Variants in CYP20A1 observed in about 807,000 individuals in gnomAD.
The protein encoded by CYP20A1 is cytochrome P450 family 20 subfamily A member 1, also known as cytochrome P450 20A1.
Under a neutral mutation model 61.4 loss-of-function variants are expected in CYP20A1, and 61 were observed. The observed-to-expected ratio is 0.99, with a 90% CI of 0.81 to 1.23. The LOEUF (loss-of-function observed/expected upper bound fraction) is 1.23, where lower values mean the gene tolerates loss of function less well. Among genes scored for constraint, CYP20A1 ranks in the 50% most tolerant of loss-of-function variants. CYP20A1 has a pLI of 0.00. For synonymous variants in CYP20A1, 193 were observed against 188.2 expected (o/e 1.03, Z -0.21); for missense variants, 530 against 542.4 (o/e 0.98, Z 0.23).
At chr2:203,282,527 C>T (rs1044916642) in intron 8 of CYP20A1, among the ~76,000 whole-genome samples, 3 of 151,972 alleles carry the variant, frequency 2.0e-5, no homozygotes, top group African/African-American at 7.3e-5. Context: ...TTACATTAAA[C>T]CTAATATGTC....
At chr2:203,246,660 T>TC in intron 2 of CYP20A1, 95 bp from the exon 3 acceptor site, 1 of 1,125,116 alleles carries the variant, frequency 8.9e-7, no homozygotes, top group East Asian at 2.6e-5. Context: ...ACCTTTGTTC[T>TC]CATTTATTGA....
intron 10 of CYP20A1, among the ~76,000 whole-genome samples, chr2:203,291,892 T>C (rs999445813): frequency 2.0e-5 from 3 of 152,176 alleles, no homozygotes; most frequent in Non-Finnish European, 2.9e-5. Context: ...TGTGTTCTCA[T>C]TGTTCACTTC....
rs1396764095 is a variant in CYP20A1, at chr2:203,271,077, TATA to T, written c.601-1592_601-1590del. 3.8e-3 allele frequency among the ~76,000 whole-genome samples: 284 copies of T among 74,950 alleles called. 1 individual carries two copies. Among genetic ancestry groups the T allele is most frequent in the Non-Finnish European group, 5.1e-3 (190 of 37,588 alleles). The allele number at this position is 74,950 out of a possible 152,430, so 49.2% of individuals were successfully genotyped here. A position where few individuals can be genotyped will look rare whatever the true frequency, so the allele number is the denominator to read the frequency against. On this transcript the variant is annotated intron_variant, in intron 5 of 12. Coordinates refer to ENST00000356079, the MANE Select transcript of CYP20A1 (RefSeq NM_177538.3). The stretch of plus-strand genomic sequence containing the variant: ...GTGTATATATATATATATATATATA[TATA>T]TATTTTTTTTTTTTTTTTTTTTTTT...
chr2:203,287,215 CAAAAAAAAAAAA>C (rs1168549640), intron 9 of CYP20A1, among the ~76,000 whole-genome samples: 72 of 47,072 alleles, frequency 1.5e-3, no homozygotes, highest in Non-Finnish European at 2.1e-3. Context: ...GACCCTATCT[CAAAAAAAAAAAA>C]AAAAAAAAAA....
At chr2:203,295,367 G>T (rs2068746859) in intron 11 of CYP20A1, among the ~76,000 whole-genome samples, 1 of 152,068 alleles carries the variant, frequency 6.6e-6, no homozygotes, top group Non-Finnish European at 1.5e-5. Flanking sequence ...GAGCCACTGT[G>T]TCCAGCCTCT....
At chr2:203,274,740 A>G (rs2067744215) in intron 6 of CYP20A1, among the ~76,000 whole-genome samples, 1 of 152,140 alleles carries the variant, frequency 6.6e-6, no homozygotes, top group Non-Finnish European at 1.5e-5. Flanking sequence ...AGAAGTAAAA[A>G]AAGAAAAAAA....
intron 1 of CYP20A1, among the ~76,000 whole-genome samples, chr2:203,244,610 CAACA>C (rs1431362180): frequency 6.6e-6 from 1 of 151,310 alleles, no homozygotes; most frequent in Non-Finnish European, 1.5e-5. Context: ...TATAAACTCA[CAACA>C]AAGAAAACGA....
At chr2:203,261,993 G>T (rs1453917340) in intron 4 of CYP20A1, among the ~76,000 whole-genome samples, 1 of 152,090 alleles carries the variant, frequency 6.6e-6, no homozygotes, top group East Asian at 1.9e-4. Context: ...CAAGGGGAGG[G>T]CTGATGGGGG....
chr2:203,247,225 T>A (rs1214054879), intron 3 of CYP20A1, among the ~76,000 whole-genome samples: 1 of 151,886 alleles, frequency 6.6e-6, no homozygotes, highest in Non-Finnish European at 1.5e-5. Flanking sequence ...TGTGCCACTG[T>A]ACTCCAGCCT....
rs976981237 is a variant in CYP20A1, at chr2:203,303,351, G to C, written c.*6443G>C. 2.6e-5 allele frequency among the ~76,000 whole-genome samples: 4 copies of C among 151,976 alleles called. No homozygotes were observed. The highest frequency in any genetic ancestry group is 9.7e-5 in the African/African-American group (4 of 41,410). On this transcript the variant is annotated 3_prime_UTR_variant, in exon 13 of 13. Coordinates refer to ENST00000356079, the MANE Select transcript of CYP20A1 (RefSeq NM_177538.3). ...AGACAGGTTTTCACCATGTTGGCCA[G>C]TAGTGTATTTAGTTATTTAAGGAGG...
chr2:203,246,230 CATCTT>C (rs1241240116), intron 2 of CYP20A1, among the ~76,000 whole-genome samples: 1 of 152,222 alleles, frequency 6.6e-6, no homozygotes, highest in African/African-American at 2.4e-5. Context: ...TTAGATCACT[CATCTT>C]ATTCAATTCA....
chr2:203,258,732 T>C (rs535305225), intron 4 of CYP20A1, among the ~76,000 whole-genome samples: 1 of 152,320 alleles, frequency 6.6e-6, no homozygotes, highest in African/African-American at 2.4e-5. Context: ...AGGTTCTGTA[T>C]TGGTTGTACA....
intron 4 of CYP20A1, among the ~76,000 whole-genome samples, chr2:203,254,148 A>G (rs534629217): frequency 6.6e-6 from 1 of 151,644 alleles, no homozygotes; most frequent in Non-Finnish European, 1.5e-5. Context: ...GGGTTTCACC[A>G]TCTTGGCCAG....
chr2:203,265,950 A>G (rs1238799581), intron 4 of CYP20A1, among the ~76,000 whole-genome samples: 1 of 152,146 alleles, frequency 6.6e-6, no homozygotes, highest in Non-Finnish European at 1.5e-5. Context: ...TTTGCCTCCC[A>G]AAGTGCTAGG....
chr2:203,259,465 CT>C (rs1328338430), intron 4 of CYP20A1: 1 of 152,044 alleles, frequency 6.6e-6, no homozygotes, highest in Non-Finnish European at 1.5e-5. Flanking sequence ...ACCTTCCCCC[CT>C]CTCTCTTGCT....
rs75425295 is a variant in CYP20A1 at position 203,257,795 on chromosome 2, GA to G, written c.432+5697del. ...CAGTGCATGGACTCCATCTCAAAAA[GA>G]AAAAAAAAAATGTGGTTACTTAGTA... is the stretch of plus-strand genomic sequence containing the variant. On this transcript the variant is annotated intron_variant, in intron 4 of 12. Transcript: ENST00000356079. Among the ~76,000 whole-genome samples the G allele has an allele frequency of 9.5e-3, 1,335 of 141,084 alleles. 20 individuals carry two copies. The highest frequency in any genetic ancestry group is 0.07 in the East Asian group (345 of 4,936). The allele number at this position is 141,084 out of a possible 152,430, so 92.6% of individuals were successfully genotyped here.
rs1332982501 is a variant in CYP20A1, at chr2:203,301,197, A to G, written c.*4289A>G. 6.7e-6 allele frequency among the ~76,000 whole-genome samples: 1 copy of G among 148,850 alleles called. No individual in the cohort carries two copies. Among genetic ancestry groups the G allele is most frequent in the Non-Finnish European group, 1.5e-5 (1 of 67,134 alleles). On this transcript the variant is annotated 3_prime_UTR_variant, in exon 13 of 13. Transcript: ENST00000356079. Reference sequence around the variant, plus strand: ...GGCAAGAAGAGTGAAACTCTATCCAAAAAAAAAAAAAAACCATACGTACAT... The same window carrying G: ...GGCAAGAAGAGTGAAACTCTATCCAGAAAAAAAAAAAAACCATACGTACAT...
At chr2:203,244,089 A>ATGCTGTTCATAGGAGC (rs2066361772) in intron 1 of CYP20A1, among the ~76,000 whole-genome samples, 1 of 151,816 alleles carries the variant, frequency 6.6e-6, no homozygotes, top group Non-Finnish European at 1.5e-5. Context: ...ACCTCCTATT[A>ATGCTGTTCATAGGAGC]CTGTGAACTG....
chr2:203,270,601 A>G (rs2067522233), intron 5 of CYP20A1, among the ~76,000 whole-genome samples: 1 of 151,966 alleles, frequency 6.6e-6, no homozygotes, highest in South Asian at 2.1e-4. Context: ...CTTTTTCAGT[A>G]TCACAAATGT....
Sources: gnomAD v4.1 joint callset for allele counts (sites outside exome capture counted in the v4.1 genomes callset) on GRCh38, gnomAD v4.1.1 for gene constraint, MANE v1.5 for transcripts, NCBI Gene and HGNC (gene_info 2026-07-23, HGNC 2026-07-21) for gene names.